Variants in MIPEP observed in about 807,000 individuals in gnomAD.
MIPEP encodes mitochondrial intermediate peptidase.
In MIPEP, 79 loss-of-function variants were observed where a neutral mutation model predicts 90.3. That is an observed-to-expected ratio of 0.87 (90% CI 0.73 to 1.05). MIPEP has a LOEUF of 1.05. MIPEP is among the 50% of genes least tolerant of loss of function. MIPEP has a pLI of 0.00. For synonymous variants in MIPEP, 334 were observed against 315.8 expected (o/e 1.06, Z -0.61); for missense variants, 940 against 905.6 (o/e 1.04, Z -0.49).
intron 16 of MIPEP, among the ~76,000 whole-genome samples, chr13:23,799,859 T>C (rs1953013380): frequency 6.6e-6 from 1 of 152,238 alleles, no homozygotes; most frequent in Non-Finnish European, 1.5e-5. Flanking sequence ...TGAACAACTT[T>C]TATGCCATCA....
At chr13:23,872,914 A>G (rs1870893342) in intron 5 of MIPEP, among the ~76,000 whole-genome samples, 1 of 152,240 alleles carries the variant, frequency 6.6e-6, no homozygotes, top group Non-Finnish European at 1.5e-5. Flanking sequence ...ATGATTTGTC[A>G]TACATTCACT....
chr13:23,791,476 G>C (rs998681739), intron 16 of MIPEP, among the ~76,000 whole-genome samples: 1 of 152,038 alleles, frequency 6.6e-6, no homozygotes, highest in Admixed American at 6.6e-5. Flanking sequence ...GCAAAGCCCC[G>C]GAAGAGGACT....
chr13:23,876,766 T>C (rs141244429), intron 4 of MIPEP, among the ~76,000 whole-genome samples: 1 of 152,210 alleles, frequency 6.6e-6, no homozygotes, highest in Non-Finnish European at 1.5e-5. Context: ...TCAATGAATC[T>C]TTCTGTTGTA....
chr13:23,836,205 C>T lies in MIPEP; in HGVS notation c.1653+35G>A, dbSNP rs1261111581. 4 of 1,389,218 alleles carry T rather than the reference C, an allele frequency of 2.9e-6. No individual in the cohort carries two copies. The South Asian group carries it at 4.4e-5, about 15-fold the overall frequency. The allele number at this position is 1,389,218 out of a possible 1,614,324, so 86.1% of individuals were successfully genotyped here. A position where few individuals can be genotyped will look rare whatever the true frequency, so the allele number is the denominator to read the frequency against. On this transcript the variant is annotated intron_variant, in intron 14 of 18. Coordinates refer to ENST00000382172, the MANE Select transcript of MIPEP (RefSeq NM_005932.4). ...ATGTCATAAACGCCAACTATCACAA[C>T]CCAAAGGACAAGACGACAATATTAC...
chr13:23,798,992 T>C (rs1476663856), intron 16 of MIPEP, among the ~76,000 whole-genome samples: 5 of 137,668 alleles, frequency 3.6e-5, no homozygotes, highest in Non-Finnish European at 7.6e-5. Context: ...ATTAGAATAA[T>C]TTTTTTGGTT....
At chr13:23,869,908 T>TAAAAA in intron 6 of MIPEP, 105 bp downstream of exon 6, 1 of 880,386 alleles carries the variant, frequency 1.1e-6, no homozygotes, top group Non-Finnish European at 1.6e-6. Context: ...TTAGTAATGC[T>TAAAAA]AAAAAGTTTT....
chr13:23,784,997 T>C (rs113841011), intron 16 of MIPEP, among the ~76,000 whole-genome samples: 29,041 of 152,130 alleles, frequency 0.19, 3,358 homozygotes, highest in Non-Finnish European at 0.27. Flanking sequence ...CAACAGATGC[T>C]GGAGAGGATG....
intron 9 of MIPEP, among the ~76,000 whole-genome samples, chr13:23,861,540 A>G (rs1022549639): frequency 1.3e-5 from 2 of 152,212 alleles, no homozygotes; most frequent in Non-Finnish European, 2.9e-5. Flanking sequence ...GTATCTGGGA[A>G]GCTAGTAAAC....
At chr13:23,824,090 A>C (rs1953339861) in intron 14 of MIPEP, among the ~76,000 whole-genome samples, 1 of 152,240 alleles carries the variant, frequency 6.6e-6, no homozygotes, top group Non-Finnish European at 1.5e-5. Flanking sequence ...GCATTTTGGA[A>C]TGATTCTAAA....
chr13:23,865,672 A>AT (rs1555241389), intron 7 of MIPEP, among the ~76,000 whole-genome samples: 46 of 68,966 alleles, frequency 6.7e-4, no homozygotes, highest in Middle Eastern at 6.3e-3. Context: ...GCCTCAATTA[A>AT]TTTTTTTTTT....
chr13:23,846,672 A>G (rs1203928252), intron 10 of MIPEP, among the ~76,000 whole-genome samples: 1 of 152,218 alleles, frequency 6.6e-6, no homozygotes, highest in East Asian at 1.9e-4. Flanking sequence ...TTTCACGACA[A>G]TCTGTCACAT....
intron 13 of MIPEP, 24 bp from the exon 14 acceptor site, chr13:23,836,373 T>G: frequency 1.5e-6 from 2 of 1,330,124 alleles, no homozygotes; most frequent in South Asian, 2.8e-5. Context: ...AAAAAAAAAG[T>G]TGGCATGAAT....
At chr13:23,805,200 T>C (rs1001477193) in intron 16 of MIPEP, among the ~76,000 whole-genome samples, 2 of 152,188 alleles carry the variant, frequency 1.3e-5, no homozygotes, top group Admixed American at 6.5e-5. Flanking sequence ...GTCAGTCACA[T>C]TGCTAACTGC....
chr13:23,858,269 A>G (rs946950972), intron 10 of MIPEP, among the ~76,000 whole-genome samples: 4 of 152,100 alleles, frequency 2.6e-5, no homozygotes, highest in African/African-American at 9.7e-5. Flanking sequence ...GGGCATACCT[A>G]CTTTTCTCCA....
intron 18 of MIPEP, among the ~76,000 whole-genome samples, chr13:23,746,150 G>A (rs1201675265): frequency 6.6e-6 from 1 of 150,644 alleles, no homozygotes; most frequent in African/African-American, 2.4e-5. Flanking sequence ...GAGTAGCTGG[G>A]GCTATACGTA....
At chr13:23,876,472 G>A (rs1441346798) in intron 4 of MIPEP, among the ~76,000 whole-genome samples, 1 of 152,094 alleles carries the variant, frequency 6.6e-6, no homozygotes, top group African/African-American at 2.4e-5. Context: ...CTTCACACTT[G>A]GTGCCACTGT....
At chr13:23,780,549 C>T (rs191336423) in intron 16 of MIPEP, among the ~76,000 whole-genome samples, 1 of 152,234 alleles carries the variant, frequency 6.6e-6, no homozygotes, top group Non-Finnish European at 1.5e-5. Flanking sequence ...CAGAGCGCCT[C>T]TCCCCCTCCA....
chr13:23,757,342 C>A (rs1377167457), intron 17 of MIPEP, among the ~76,000 whole-genome samples: 1 of 152,124 alleles, frequency 6.6e-6, no homozygotes, highest in Non-Finnish European at 1.5e-5. Context: ...ACAGATGAAG[C>A]TTCACTTGCT....
intron 14 of MIPEP, among the ~76,000 whole-genome samples, chr13:23,810,729 CTGTGAATGAG>C (rs1292458406): frequency 6.6e-6 from 1 of 152,196 alleles, no homozygotes; most frequent in African/African-American, 2.4e-5. Context: ...AATTAACCAC[CTGTGAATGAG>C]AACGTGGGCT....
Sources: gnomAD v4.1 joint callset for allele counts (sites outside exome capture counted in the v4.1 genomes callset) on GRCh38, gnomAD v4.1.1 for gene constraint, MANE v1.5 for transcripts, NCBI Gene and HGNC (gene_info 2026-07-23, HGNC 2026-07-21) for gene names.